BSPRY: variants seen among roughly 807,000 people sequenced by gnomAD.
BSPRY encodes B box and SPRY domain-containing protein.
A neutral mutation model predicts 38.0 loss-of-function variants in BSPRY; 33 were observed. That is an observed-to-expected ratio of 0.87 (90% confidence interval 0.66 to 1.16). BSPRY has a LOEUF of 1.16. Ranked by LOEUF, BSPRY falls within the 50% of genes most tolerant of loss-of-function variation. The pLI, the probability that BSPRY is intolerant of heterozygous loss-of-function variation, is 0.00. For missense variants in BSPRY, 523 were observed against 533.2 expected (o/e 0.98, Z 0.19); for synonymous variants, 224 against 228.5 (o/e 0.98, Z 0.18).
chr9:113,350,355 T>C (rs1008030400), intron 1 of BSPRY, among the ~76,000 whole-genome samples: 1 of 152,104 alleles, frequency 6.6e-6, no homozygotes, highest in Non-Finnish European at 1.5e-5. Flanking sequence ...CGGTGATCTC[T>C]TTTTCGCTTT....
Position 113,349,599 on chromosome 9 carries a change from A to AGCCGGGGCCGGGGTCCGGGTCCGG in BSPRY, c.24_47dup (p.Ser12_Gly19dup). On this transcript the variant is annotated inframe_insertion, in exon 1 of 6. Coordinates refer to ENST00000374183, the MANE Select transcript of BSPRY (RefSeq NM_017688.3). ...ACGGCCATGTCCGCCGAGGGCGCGG[A>AGCCGGGGCCGGGGTCCGGGTCCGG]GCCGGGGCCGGGGTCCGGGTCCGGG... 5.9e-6 allele frequency: 7 copies of AGCCGGGGCCGGGGTCCGGGTCCGG among 1,183,660 alleles called. No homozygotes were observed. The highest frequency in any genetic ancestry group is 7.3e-6 in the Non-Finnish European group (7 of 957,632). The allele number at this position is 1,183,660 out of a possible 1,614,324, so 73.3% of individuals were successfully genotyped here. A position where few individuals can be genotyped will look rare whatever the true frequency, so the allele number is the denominator to read the frequency against.
chr9:113,349,792 T>C lies in BSPRY; in HGVS notation c.201+12T>C, dbSNP rs1833941421. ...CCGAGGAGCTGCGGGTGAGCGGGTG[T>C]GGGCGCCGGAAGGCGAGGGCTCCGG... On this transcript the variant is annotated intron_variant, in intron 1 of 5. Coordinates refer to ENST00000374183, the MANE Select transcript of BSPRY (RefSeq NM_017688.3). 5 of 1,227,144 alleles carry C rather than the reference T, an allele frequency of 4.1e-6. No individual in the cohort carries two copies. The East Asian group carries it at 1.0e-4, about 24-fold the overall frequency. The allele number at this position is 1,227,144 out of a possible 1,614,324, so 76.0% of individuals were successfully genotyped here.
rs774157751 is a variant in BSPRY at position 113,354,291 on chromosome 9, A to G, written c.253A>G (p.Thr85Ala). 6.2e-7 allele frequency: 1 copy of G among 1,614,070 alleles called. No homozygotes were observed. Among genetic ancestry groups the G allele is most frequent in the African/African-American group, 1.3e-5 (1 of 74,920 alleles). Reference protein sequence around the residue: ...ERLQLQSAAITKYVADVLPGK... With the variant: ...ERLQLQSAAIAKYVADVLPGK... ...GCTGCAGTTACAGAGTGCTGCCATCACCAAGTATGTGGCGGACGTCCTGCC... is the reference window on the plus strand; with the variant it reads ...GCTGCAGTTACAGAGTGCTGCCATCGCCAAGTATGTGGCGGACGTCCTGCC... Residue 85 changes from threonine to alanine, a missense_variant, in exon 2 of 6, where the codon ACC becomes GCC. By Grantham distance (58) the Thr-to-Ala change is moderately conservative. Transcript: ENST00000374183.
Position 113,370,329 on chromosome 9 carries a change from C to A in BSPRY, c.*187C>A. 1 of 606,016 alleles carries A rather than the reference C, an allele frequency of 1.7e-6. No homozygotes were observed. Among genetic ancestry groups the A allele is most frequent in the Non-Finnish European group, 2.5e-6 (1 of 403,900 alleles). 37.5% of individuals were successfully genotyped at this position (606,016 alleles called of 1,614,324 possible). The stretch of plus-strand genomic sequence containing the variant: ...GCATAACCTGTAAATCACAGGTGTC[C>A]AAACTTTTGGCTTCCCTGGGCCACA... On this transcript the variant is annotated 3_prime_UTR_variant, in exon 6 of 6. Transcript: ENST00000374183. The surrounding 1 kb of genome is among the most constrained non-coding windows in gnomAD (Gnocchi z 4.8).
chr9:113,369,092 T>G (rs944569951), intron 5 of BSPRY, among the ~76,000 whole-genome samples: 1 of 152,202 alleles, frequency 6.6e-6, no homozygotes, highest in East Asian at 1.9e-4. Flanking sequence ...AAATGATGCC[T>G]GATTTACCAG....
chr9:113,349,606 G>A lies in BSPRY; in HGVS notation c.27G>A (p.Gly9=). 1 of 1,189,770 alleles carries A rather than the reference G, an allele frequency of 8.4e-7. No individual in the cohort carries two copies. The highest frequency in any genetic ancestry group is 1.0e-6 in the Non-Finnish European group (1 of 961,256). The allele number at this position is 1,189,770 out of a possible 1,614,324, so 73.7% of individuals were successfully genotyped here. Residue 9 remains glycine, a synonymous_variant, in exon 1 of 6, where the codon GGG becomes GGA. Coordinates refer to ENST00000374183, the MANE Select transcript of BSPRY (RefSeq NM_017688.3). MSAEGAEP[G]PGSGSGPGPG... The stretch of plus-strand genomic sequence containing the variant: ...TGTCCGCCGAGGGCGCGGAGCCGGG[G>A]CCGGGGTCCGGGTCCGGGCCCGGGC...
chr9:113,362,888 C>T (rs1400536674), intron 4 of BSPRY, among the ~76,000 whole-genome samples: 4 of 152,168 alleles, frequency 2.6e-5, no homozygotes, highest in African/African-American at 7.2e-5. Flanking sequence ...AAAAGAATTT[C>T]ACCAGGTCCT....
In BSPRY at chr9:113,370,379, A is replaced by G. The variant is rs1358042505; in HGVS notation, c.*237A>G. ...ATTTGAAGAAGAATTTTCTTGGGCC[A>G]CATAAAATACACTAACGATAGCTGA... is the stretch of plus-strand genomic sequence containing the variant. On this transcript the variant is annotated 3_prime_UTR_variant, in exon 6 of 6. Transcript: ENST00000374183. This position sits in a 1 kb window ranked among gnomAD's most constrained non-coding sequence, Gnocchi z 4.8. 4.9e-6 allele frequency: 2 copies of G among 409,584 alleles called. No homozygotes were observed. The highest frequency in any genetic ancestry group is 8.5e-6 in the Non-Finnish European group (2 of 235,748). The allele number at this position is 409,584 out of a possible 1,614,324, so 25.4% of individuals were successfully genotyped here.
Position 113,369,731 on chromosome 9 carries a change from G to A in BSPRY, c.798G>A (p.Pro266=), listed in dbSNP as rs760966749. The A allele has an allele frequency of 7.4e-6, 12 of 1,614,082 alleles. No individual in the cohort carries two copies. Among genetic ancestry groups the A allele is most frequent in the African/African-American group, 2.7e-5 (2 of 74,930 alleles). The change falls in exon 6 of 6, where the codon CCG becomes CCA. Residue 266 remains proline (P), a synonymous_variant. Coordinates refer to ENST00000374183, the MANE Select transcript of BSPRY (RefSeq NM_017688.3). ...TKKSKACADG[P]ERFDHWPNAL... ...AGTCAAAGGCCTGTGCAGATGGCCC[G>A]GAGCGCTTCGACCACTGGCCCAATG...
intron 1 of BSPRY, among the ~76,000 whole-genome samples, 190 bp from the exon 2 acceptor site, chr9:113,354,050 G>T (rs1793960610): frequency 6.6e-6 from 1 of 152,150 alleles, no homozygotes; most frequent in Admixed American, 6.6e-5. Flanking sequence ...GAAGGATAGG[G>T]CATGGTGGGG....
At chr9:113,368,420 T>C (rs756252679) in intron 5 of BSPRY, 37 bp downstream of exon 5, 1 of 1,602,612 alleles carries the variant, frequency 6.2e-7, no homozygotes, top group Non-Finnish European at 8.5e-7. Flanking sequence ...TTAGGACAAC[T>C]GGGCTTCTGT....
chr9:113,355,345 G>T (rs12344264), intron 2 of BSPRY, among the ~76,000 whole-genome samples: 26,708 of 152,144 alleles, frequency 0.18, 2,450 homozygotes, highest in Admixed American at 0.22. Flanking sequence ...ACAGAACCCA[G>T]TTGAACAAGT....
chr9:113,364,329 G>A (rs1452100352), intron 4 of BSPRY, among the ~76,000 whole-genome samples: 1 of 152,188 alleles, frequency 6.6e-6, no homozygotes, highest in African/African-American at 2.4e-5. Context: ...ATATTGCAGT[G>A]TAGACGGATC....
rs1414297833 is a variant in BSPRY at position 113,370,810 on chromosome 9, T to A, written c.*668T>A. On this transcript the variant is annotated 3_prime_UTR_variant, in exon 6 of 6. Transcript: ENST00000374183. The surrounding 1 kb of genome is among the most constrained non-coding windows in gnomAD (Gnocchi z 4.8). ...CTTCACAGGCAGAGAAGCCTGTGGC[T>A]AAAGTTTCCACATCCCATTAACTCA... The A allele has an allele frequency of 6.6e-6, 1 of 152,252 alleles. No homozygotes were observed. Among genetic ancestry groups the A allele is most frequent in the Non-Finnish European group, 1.5e-5 (1 of 68,038 alleles). 9.4% of individuals were successfully genotyped at this position (152,252 alleles called of 1,614,324 possible).
chr9:113,369,827 T>C lies in BSPRY; in HGVS notation c.894T>C (p.Tyr298=). 1 of 1,614,244 alleles carries C rather than the reference T, an allele frequency of 6.2e-7. No individual in the cohort carries two copies. Among genetic ancestry groups the C allele is most frequent in the Non-Finnish European group, 8.5e-7 (1 of 1,180,028 alleles). ...TGAATGTCCAGAACAGTTGTGCCTA[T>C]AAGGTGGGCGTGGCTTCAGGCCACC... ...WMVNVQNSCA[Y]KVGVASGHLP... Residue 298 remains tyrosine, a synonymous_variant, in exon 6 of 6, where the codon TAT becomes TAC. Coordinates refer to ENST00000374183, the MANE Select transcript of BSPRY (RefSeq NM_017688.3).
rs769402253 is a variant in BSPRY, at chr9:113,369,757, C to G, written c.824C>G (p.Ala275Gly). Residue 275 changes from alanine (A) to glycine (G), a missense_variant, in exon 6 of 6, where the codon GCC becomes GGC. Ala to Gly is a moderately conservative substitution (Grantham distance 60). Coordinates refer to ENST00000374183, the MANE Select transcript of BSPRY (RefSeq NM_017688.3). ...GAGCGCTTCGACCACTGGCCCAATG[C>G]CCTGGCTGCCACCTCCTTCCAGAAT... ...GPERFDHWPN[A>G]LAATSFQNGL... 2 of 1,614,236 alleles carry G rather than the reference C, an allele frequency of 1.2e-6. No individual in the cohort carries two copies. The highest frequency in any genetic ancestry group is 3.3e-5 in the Admixed American group (2 of 60,028).
At chr9:113,364,575 A>G (rs912540981) in intron 4 of BSPRY, among the ~76,000 whole-genome samples, 9 of 152,224 alleles carry the variant, frequency 5.9e-5, no homozygotes, top group Non-Finnish European at 1.3e-4. Context: ...CAAAGGTAGT[A>G]TAACGAGCTT....
At chr9:113,360,141 C>A (rs1834124589) in intron 2 of BSPRY, among the ~76,000 whole-genome samples, 1 of 152,116 alleles carries the variant, frequency 6.6e-6, no homozygotes, top group Non-Finnish European at 1.5e-5. Flanking sequence ...ACTTTTTAGG[C>A]CCTCTGCTCT....
intron 4 of BSPRY, among the ~76,000 whole-genome samples, chr9:113,366,256 T>C (rs755623992): frequency 2.0e-5 from 3 of 152,216 alleles, no homozygotes; most frequent in Non-Finnish European, 4.4e-5. Flanking sequence ...TACAAAGTTG[T>C]CCGAGCATTG....
Sources: allele counts gnomAD v4.1 joint callset (sites outside exome capture counted in the v4.1 genomes callset), GRCh38; gene constraint gnomAD v4.1.1; non-coding constraint Gnocchi (gnomAD v3.1); transcripts MANE v1.5; gene names NCBI Gene and HGNC (gene_info 2026-07-23, HGNC 2026-07-21).